The following CECR2 variants were observed in gnomAD, a reference collection of about 807,000 sequenced individuals.
The protein encoded by CECR2 is CECR2 histone acetyl-lysine reader.
CECR2 carries 30 observed loss-of-function variants against 154.5 expected under a neutral mutation model. That is an observed-to-expected ratio of 0.19 (90% CI 0.15 to 0.26). The LOEUF (loss-of-function observed/expected upper bound fraction) is 0.26, where lower values mean the gene tolerates loss of function less well. CECR2 is among the 10% of genes least tolerant of loss of function. CECR2 has a pLI of 1.00. For synonymous variants in CECR2, 725 were observed against 683.7 expected, an observed-to-expected ratio of 1.06 and a Z score of -0.94; for missense variants, 1,743 against 1,829.3, an observed-to-expected ratio of 0.95 and a Z score of 0.86.
At chr22:17,414,348 G>C (rs1288867853) in intron 1 of CECR2, among the ~76,000 whole-genome samples, 3 of 152,168 alleles carry the variant, frequency 2.0e-5, no homozygotes, top group Admixed American at 1.3e-4. Flanking sequence ...GTGTATTGCA[G>C]GTACTTTATT....
intron 7 of CECR2, among the ~76,000 whole-genome samples, chr22:17,509,757 T>C (rs1222975158): frequency 6.6e-6 from 1 of 152,196 alleles, no homozygotes; most frequent in Non-Finnish European, 1.5e-5. Flanking sequence ...CCTCTCCCAT[T>C]GTTTATGGTA....
At chr22:17,446,632 T>G (rs1161214416) in intron 1 of CECR2, among the ~76,000 whole-genome samples, 2 of 152,042 alleles carry the variant, frequency 1.3e-5, no homozygotes, top group Non-Finnish European at 2.9e-5. Flanking sequence ...AGGAGAATGA[T>G]GTGAACCTGG....
At chr22:17,373,940 G>A (rs34850541) in intron 1 of CECR2, among the ~76,000 whole-genome samples, 278 of 152,300 alleles carry the variant, frequency 1.8e-3, no homozygotes, top group Non-Finnish European at 3.2e-3. Flanking sequence ...AAGAAAAGAA[G>A]AAAGGCTAAT....
At chr22:17,499,970 G>C (rs1337582501) in intron 4 of CECR2, among the ~76,000 whole-genome samples, 1 of 151,988 alleles carries the variant, frequency 6.6e-6, no homozygotes, top group Non-Finnish European at 1.5e-5. Context: ...CCAGCACTCT[G>C]GGAGGCCGAG....
rs1025368333 is a variant in CECR2, at chr22:17,406,880, A to C, written c.126+36971A>C. On this transcript the variant is annotated intron_variant, in intron 1 of 18. Transcript: ENST00000262608. ...ACAGAACTAATTAAATTAACCCTTT[A>C]CTGCCTGGCATGCCTGGGGTATTCT... 3.3e-5 allele frequency among the ~76,000 whole-genome samples: 5 copies of C among 152,202 alleles called. No individual in the cohort carries two copies. The South Asian group carries it at 6.2e-4, about 19-fold the overall frequency.
intron 8 of CECR2, among the ~76,000 whole-genome samples, chr22:17,520,924 A>T (rs567898838): frequency 2.1e-4 from 32 of 152,314 alleles, no homozygotes; most frequent in Non-Finnish European, 3.7e-4. Context: ...TCTTTATAGT[A>T]GCATGATTTA....
chr22:17,514,894 G>A (rs1318937454), intron 8 of CECR2, among the ~76,000 whole-genome samples: 2 of 152,122 alleles, frequency 1.3e-5, no homozygotes, highest in East Asian at 1.9e-4. Context: ...TTAGCTGGGC[G>A]TGGTGGTGGG....
At chr22:17,490,971 A>T (rs1434636374) in intron 2 of CECR2, among the ~76,000 whole-genome samples, 1 of 152,204 alleles carries the variant, frequency 6.6e-6, no homozygotes, top group African/African-American at 2.4e-5. Context: ...AACTGGAGCC[A>T]TATGGGAAGT....
intron 18 of CECR2, 129 bp from the exon 19 acceptor site, chr22:17,552,706 G>C (rs769510051): frequency 2.4e-5 from 21 of 875,994 alleles, no homozygotes; most frequent in Non-Finnish European, 3.4e-5. Context: ...GAAGTAAACT[G>C]TAACTGATGA....
chr22:17,419,570 A>G (rs868796465), intron 1 of CECR2: 1 of 232,852 alleles, frequency 4.3e-6, no homozygotes, highest in African/African-American at 5.5e-5. Context: ...AGGAGGAAGA[A>G]AAGAAGAAGA....
intron 1 of CECR2, among the ~76,000 whole-genome samples, chr22:17,391,635 T>G (rs1190490219): frequency 6.6e-6 from 1 of 152,258 alleles, no homozygotes; most frequent in Admixed American, 6.5e-5. Flanking sequence ...TCATTTTAGA[T>G]TTTGATTATG....
chr22:17,435,698 A>C (rs1454397570), intron 1 of CECR2, among the ~76,000 whole-genome samples: 2 of 149,346 alleles, frequency 1.3e-5, no homozygotes, highest in African/African-American at 2.5e-5. Flanking sequence ...AAAAAAAAAA[A>C]AAAAAAAAAA....
At chr22:17,535,268 A>C (rs2056420732) in intron 9 of CECR2, among the ~76,000 whole-genome samples, 1 of 152,024 alleles carries the variant, frequency 6.6e-6, no homozygotes. Context: ...CAGTGAGCTG[A>C]GATCGCACCA....
intron 1 of CECR2, among the ~76,000 whole-genome samples, chr22:17,379,138 G>A (rs563333862): frequency 6.6e-6 from 1 of 152,026 alleles, no homozygotes; most frequent in Non-Finnish European, 1.5e-5. Flanking sequence ...TGTATTTTTA[G>A]TAGAGACAGG....
At chr22:17,546,195 G>C (rs925197429) in intron 16 of CECR2, among the ~76,000 whole-genome samples, 1 of 152,098 alleles carries the variant, frequency 6.6e-6, no homozygotes, top group Non-Finnish European at 1.5e-5. Flanking sequence ...AGCTTTACAA[G>C]AATCCTGTTT....
At chr22:17,551,013 C>T (rs2056700640) in intron 17 of CECR2, among the ~76,000 whole-genome samples, 1 of 152,188 alleles carries the variant, frequency 6.6e-6, no homozygotes, top group South Asian at 2.1e-4. Context: ...TTCCCCTCCT[C>T]AGTGCCATCC....
chr22:17,430,215 A>G (rs1038253140), intron 1 of CECR2, among the ~76,000 whole-genome samples: 4 of 152,194 alleles, frequency 2.6e-5, no homozygotes, highest in Admixed American at 2.6e-4. Flanking sequence ...GGCCTCTTAC[A>G]GTTGTCAAAC....
At position 17,552,063 on chromosome 22, in the gene CECR2, C is replaced by T. The variant is rs536749791; in HGVS notation, c.4310C>T (p.Ser1437Leu). ...MQMHPVQSQA[S>L]FPKTPTAATS... ...ATGCACCCGGTCCAGTCGCAGGCCT[C>T]GTTCCCAAAGACCCCCACAGCAGCA... Residue 1437 changes from serine to leucine, a missense_variant, in exon 18 of 19, where the codon TCG becomes TTG. Transcript: ENST00000262608. 5.0e-6 allele frequency: 8 copies of T among 1,613,986 alleles called. No homozygotes were observed. The South Asian group carries it at 6.6e-5, about 13-fold the overall frequency.
At chr22:17,434,644 A>G in intron 1 of CECR2, among the ~76,000 whole-genome samples, 1 of 118,324 alleles carries the variant, frequency 8.5e-6, no homozygotes, top group Admixed American at 8.8e-5. Context: ...TTATGCCCGC[A>G]CCCCCCCTGC....
Sources: gnomAD v4.1 joint callset for allele counts (sites outside exome capture counted in the v4.1 genomes callset) on GRCh38, gnomAD v4.1.1 for gene constraint, MANE v1.5 for transcripts, NCBI Gene and HGNC (gene_info 2026-07-23, HGNC 2026-07-21) for gene names.